THAP10: variants seen among roughly 807,000 people sequenced by gnomAD.
THAP10 encodes THAP domain-containing protein 10.
Under a neutral mutation model 15.7 loss-of-function variants are expected in THAP10, and 10 were observed. The observed-to-expected ratio is 0.64, with a 90% CI of 0.39 to 1.08. The LOEUF (loss-of-function observed/expected upper bound fraction) is 1.08. Ranked by LOEUF, THAP10 falls within the 50% of genes least tolerant of loss-of-function variation. The pLI is 0.01. For synonymous variants in THAP10, 127 were observed against 129.1 expected, an observed-to-expected ratio of 0.98 and a Z score of 0.11; for missense variants, 310 against 330.9, an observed-to-expected ratio of 0.94 and a Z score of 0.49.
intron 2 of THAP10, 50 bp from the exon 3 acceptor site, chr15:70,882,700 A>G (rs770371874): frequency 8.7e-6 from 14 of 1,611,188 alleles, no homozygotes; most frequent in South Asian, 1.1e-5. Context: ...TGCTTTTCAT[A>G]TATCTTTAAT....
Position 70,891,933 on chromosome 15 carries a change from C to T in THAP10, c.340G>A (p.Glu114Lys), listed in dbSNP as rs1206715512. The T allele has an allele frequency of 6.2e-7, 1 of 1,613,856 alleles. No individual in the cohort carries two copies. The highest frequency in any genetic ancestry group is 1.7e-5 in the Admixed American group (1 of 60,008). The change falls in exon 1 of 3, where the codon GAG (glutamate) becomes AAG (lysine). Residue 114 changes from glutamate (E) to lysine (K), a missense_variant. Coordinates refer to ENST00000249861, the MANE Select transcript of THAP10 (RefSeq NM_020147.4). ...DQAGRLDTRG[E>K]LQAARHSEAA... ...TCAGAATGCCTGGCTGCCTGGAGCT[C>T]TCCTCGCGTGTCCAGGCGGCCTGCT...
At chr15:70,889,576 A>T (rs1037987154) in intron 1 of THAP10, among the ~76,000 whole-genome samples, 1 of 152,218 alleles carries the variant, frequency 6.6e-6, no homozygotes. Flanking sequence ...CAATTTAAAA[A>T]ATTCAGTTGG....
chr15:70,883,647 G>T (rs1380929386), intron 1 of THAP10, among the ~76,000 whole-genome samples: 6 of 132,928 alleles, frequency 4.5e-5, no homozygotes, highest in Admixed American at 4.3e-4. Context: ...TTGTGAAATG[G>T]AATTTTTTTT....
Position 70,882,650 on chromosome 15 carries a change from C to T in THAP10, c.578G>A (p.Gly193Asp). Residue 193 changes from glycine to aspartate, a missense_variant and splice_region_variant, in exon 3 of 3, where the codon GGT becomes GAT. Gly to Asp is a moderately conservative substitution (Grantham distance 94, BLOSUM62 -1). Transcript: ENST00000249861. ...SLKRPRHRSV[G>D]IQAKVKAFGK... ...AAACGCTTTCACTTTGGCTTGAATA[C>T]CTGAAAGAGAATAAGCATAAGTACC... The T allele has an allele frequency of 1.2e-6, 2 of 1,613,358 alleles. No homozygotes were observed. The highest frequency in any genetic ancestry group is 1.7e-6 in the Non-Finnish European group (2 of 1,179,564).
chr15:70,882,714 C>T (rs774668883), intron 2 of THAP10, 47 bp downstream of exon 2: 44 of 1,609,946 alleles, frequency 2.7e-5, no homozygotes, highest in East Asian at 1.3e-4. Context: ...CTTTAATATA[C>T]GAAAGATCAA....
intron 1 of THAP10, among the ~76,000 whole-genome samples, chr15:70,890,187 A>G (rs1178346174): frequency 6.6e-6 from 1 of 152,196 alleles, no homozygotes; most frequent in African/African-American, 2.4e-5. Context: ...TGTAATTATG[A>G]AGAAGAAAAA....
intron 1 of THAP10, among the ~76,000 whole-genome samples, chr15:70,885,939 G>A (rs901409659): frequency 6.6e-6 from 1 of 152,084 alleles, no homozygotes; most frequent in African/African-American, 2.4e-5. Context: ...CATGTTACAA[G>A]TTTCAACAAA....
rs2033282842 is a variant in THAP10, at chr15:70,882,312, T to A, written c.*142A>T. ...TCATTGTGTTGGCAAGCAAGCAAAC[T>A]TTTGCCTTAGAGCTAAACAAATTAT... On this transcript the variant is annotated 3_prime_UTR_variant, in exon 3 of 3. Transcript: ENST00000249861. 2 of 690,660 alleles carry A rather than the reference T, an allele frequency of 2.9e-6. No individual in the cohort carries two copies. The highest frequency in any genetic ancestry group is 1.8e-5 in the African/African-American group (1 of 56,132). The allele number at this position is 690,660 out of a possible 1,614,324, so 42.8% of individuals were successfully genotyped here.
rs778351800 is a variant in THAP10, at chr15:70,891,884, C to T, written c.389G>A (p.Cys130Tyr). Residue 130 changes from cysteine (C) to tyrosine (Y), a missense_variant, in exon 1 of 3, where the codon TGT becomes TAT. Coordinates refer to ENST00000249861, the MANE Select transcript of THAP10 (RefSeq NM_020147.4). ...CTGCTTCCCAGCTCGGGGGCGTGTA[C>T]AGGAGACTGGACCTGGGGCAGCCTC... The part of the protein sequence containing the change: ...HSEAAPGPVS[C>Y]TRPRAGKQAA... 1.9e-6 allele frequency: 3 copies of T among 1,611,848 alleles called. No homozygotes were observed. The highest frequency in any genetic ancestry group is 3.3e-5 in the Admixed American group (2 of 59,890).
At chr15:70,885,208 A>G (rs895434546) in intron 1 of THAP10, among the ~76,000 whole-genome samples, 1 of 152,232 alleles carries the variant, frequency 6.6e-6, no homozygotes, top group Non-Finnish European at 1.5e-5. Context: ...TATCTAGAAC[A>G]AGGCAGAAAG....
Position 70,882,879 on chromosome 15 carries a change from G to A in THAP10, c.459C>T (p.Thr153=). Residue 153 remains threonine, a synonymous_variant, in exon 2 of 3, where the codon ACC becomes ACT. Transcript: ENST00000249861. ...QITCENELVQ[T]QPHADNPSNT... ...TAGATGGATTATCAGCATGGGGTTG[G>A]GTTTGCACAAGTTCATTTTCACACG... is the stretch of plus-strand genomic sequence containing the variant. 1 of 1,613,920 alleles carries A rather than the reference G, an allele frequency of 6.2e-7. No homozygotes were observed. Among genetic ancestry groups the A allele is most frequent in the Non-Finnish European group, 8.5e-7 (1 of 1,179,948 alleles).
chr15:70,883,899 G>A (rs893748923), intron 1 of THAP10, among the ~76,000 whole-genome samples: 2 of 151,848 alleles, frequency 1.3e-5, no homozygotes, highest in African/African-American at 2.4e-5. Context: ...CAAGTGATCC[G>A]CCTGCCTCAG....
intron 1 of THAP10, among the ~76,000 whole-genome samples, chr15:70,890,600 A>T (rs2141091709): frequency 6.6e-6 from 1 of 152,370 alleles, no homozygotes; most frequent in African/African-American, 2.4e-5. Context: ...CAATTATGGT[A>T]AGTGCTACTG....
At chr15:70,885,652 T>C (rs999571888) in intron 1 of THAP10, among the ~76,000 whole-genome samples, 2 of 152,186 alleles carry the variant, frequency 1.3e-5, no homozygotes, top group African/African-American at 2.4e-5. Context: ...CCTAATAACA[T>C]AGCTTCAAAA....
At chr15:70,890,438 A>G (rs770353510) in intron 1 of THAP10, among the ~76,000 whole-genome samples, 1 of 152,224 alleles carries the variant, frequency 6.6e-6, no homozygotes, top group Non-Finnish European at 1.5e-5. Context: ...TAATCATTCC[A>G]TAAATATTTA....
intron 1 of THAP10, among the ~76,000 whole-genome samples, chr15:70,885,098 A>T (rs538270287): frequency 2.2e-4 from 34 of 152,172 alleles, no homozygotes; most frequent in Non-Finnish European, 4.7e-4. Flanking sequence ...TTTGAACATA[A>T]ATCTCTTGTG....
chr15:70,889,354 G>A (rs2033492416), intron 1 of THAP10, among the ~76,000 whole-genome samples: 1 of 151,178 alleles, frequency 6.6e-6, no homozygotes, highest in East Asian at 1.9e-4. Context: ...TGATTTATAT[G>A]AAATCCCCCC....
At position 70,882,460 on chromosome 15, in the gene THAP10, T is replaced by C. The variant is rs145846479; in HGVS notation, c.768A>G (p.Thr256=). The C allele has an allele frequency of 8.6e-5, 139 of 1,608,160 alleles. No homozygotes were observed. The African/African-American group carries it at 1.8e-3, about 20-fold the overall frequency. Residue 256 remains threonine, a synonymous_variant, in exon 3 of 3, where the codon ACA becomes ACG. Transcript: ENST00000249861. ...SYMAVQVKEE[T]C is the part of the protein sequence containing the mutation. ...AGCATTTGATGTTGAGTTTTTAACA[T>C]GTTTCTTCTTTCACCTGTACAGCCA...
Position 70,882,440 on chromosome 15 carries a change from T to C in THAP10, c.*14A>G, listed in dbSNP as rs1267004103. On this transcript the variant is annotated 3_prime_UTR_variant, in exon 3 of 3. Transcript: ENST00000249861. ...GAAAATCTATAGCACATCAGAGCAT[T>C]TGATGTTGAGTTTTTAACATGTTTC... 1 of 1,579,774 alleles carries C rather than the reference T, an allele frequency of 6.3e-7. No homozygotes were observed. The highest frequency in any genetic ancestry group is 1.3e-5 in the African/African-American group (1 of 74,286).
Sources: gnomAD v4.1 joint callset for allele counts (sites outside exome capture counted in the v4.1 genomes callset) on GRCh38, gnomAD v4.1.1 for gene constraint, MANE v1.5 for transcripts, NCBI Gene and HGNC (gene_info 2026-07-23, HGNC 2026-07-21) for gene names.